The following ZBBX variants were observed in gnomAD, a reference collection of about 807,000 sequenced individuals.
The protein encoded by ZBBX is zinc finger B-box domain containing, also known as zinc finger B-box domain-containing protein 1.
A neutral mutation model predicts 108.5 loss-of-function variants in ZBBX; 101 were observed. The ratio of observed to expected loss-of-function variants is 0.93; its 90% CI spans 0.79 to 1.10. The LOEUF (loss-of-function observed/expected upper bound fraction) is 1.10, where lower values mean the gene tolerates loss of function less well. Ranked by LOEUF, ZBBX falls within the 50% of genes least tolerant of loss-of-function variation. The pLI, the probability that ZBBX is intolerant of heterozygous loss-of-function variation, is 0.00. For missense variants in ZBBX, 1,009 were observed against 941.4 expected, an observed-to-expected ratio of 1.07 and a Z score of -0.94; for synonymous variants, 356 against 323.4, an observed-to-expected ratio of 1.10 and a Z score of -1.08.
At chr3:167,236,579 G>A (rs1720239265), downstream of ZBBX, among the ~76,000 whole-genome samples, 1 of 151,740 alleles carries the variant, frequency 6.6e-6, no homozygotes, top group Non-Finnish European at 1.5e-5. Context: ...AGTAAGTAGT[G>A]TAATCTGATA....
At chr3:167,208,130 T>C in the ZBBX span, among the ~76,000 whole-genome samples, 2 of 152,248 alleles carry the variant, frequency 1.3e-5, no homozygotes, top group Non-Finnish European at 2.9e-5. Context: ...GCCCTAGGCA[T>C]GGGGGAGTCA....
At chr3:167,180,017 T>C in the ZBBX span, among the ~76,000 whole-genome samples, 4 of 152,212 alleles carry the variant, frequency 2.6e-5, no homozygotes, top group African/African-American at 9.6e-5. Context: ...CCATTTCCTA[T>C]CATAGTAGCA....
At chr3:167,196,476 T>C in the ZBBX span, among the ~76,000 whole-genome samples, 1 of 152,214 alleles carries the variant, frequency 6.6e-6, no homozygotes, top group East Asian at 1.9e-4. Context: ...TAAAATCATC[T>C]ATAAAACATT....
Position 167,319,414 on chromosome 3 carries a change from G to GT in ZBBX, c.984-1818dup, listed in dbSNP as rs547543661. On this transcript the variant is annotated intron_variant, in intron 12 of 21. Transcript: ENST00000675490. The stretch of plus-strand genomic sequence containing the variant: ...CTCAAGGGAATGTGGTTGTAAGACT[G>GT]TTTTTTGTGGGGGCAGGGGTACTGT... Among the ~76,000 whole-genome samples, 534 of 152,064 alleles carry GT rather than the reference G, an allele frequency of 3.5e-3. 3 individuals carry two copies. The highest frequency in any genetic ancestry group is 0.012 in the African/African-American group (504 of 41,542).
chr3:167,242,391 T>C (rs1720830402), intron 21 of ZBBX, 114 bp downstream of exon 21: 3 of 863,986 alleles, frequency 3.5e-6, no homozygotes, highest in Non-Finnish European at 5.0e-6. Flanking sequence ...AGAATGATCA[T>C]ATAAAGTATA....
At chr3:167,328,232 T>C (rs1737765119) in intron 10 of ZBBX, 116 bp from the exon 11 acceptor site, 1 of 1,006,844 alleles carries the variant, frequency 9.9e-7, no homozygotes, top group Middle Eastern at 2.7e-4. Context: ...TTATTAGTCA[T>C]CACAAATCAG....
chr3:167,235,674 C>A (rs1720207601), downstream of ZBBX, among the ~76,000 whole-genome samples: 1 of 151,552 alleles, frequency 6.6e-6, no homozygotes. Context: ...TCAATTAATT[C>A]TTTTCATTTT....
downstream of ZBBX, among the ~76,000 whole-genome samples, chr3:167,236,204 T>G: frequency 6.6e-6 from 1 of 151,712 alleles, no homozygotes; most frequent in East Asian, 1.9e-4. Flanking sequence ...TTTTAAAAAT[T>G]AATTTATATA....
intron 1 of ZBBX, among the ~76,000 whole-genome samples, chr3:167,396,597 C>A (rs1577146779): frequency 6.6e-6 from 1 of 152,086 alleles, no homozygotes; most frequent in Non-Finnish European, 1.5e-5. Flanking sequence ...TGAAACTAAG[C>A]ACAAATGCTT....
At chr3:167,234,790 T>G in the ZBBX span, among the ~76,000 whole-genome samples, 453 of 151,854 alleles carry the variant, frequency 3.0e-3, 3 homozygotes, top group Non-Finnish European at 3.4e-3. Flanking sequence ...TAAGAGCCAA[T>G]GTGTCCACTT....
At chr3:167,338,729 T>G (rs1740005079) in intron 9 of ZBBX, among the ~76,000 whole-genome samples, 2 of 152,148 alleles carry the variant, frequency 1.3e-5, no homozygotes, top group South Asian at 4.1e-4. Flanking sequence ...TGCAGAAGAG[T>G]TCTGTTATTT....
upstream of ZBBX, among the ~76,000 whole-genome samples, chr3:167,383,746 C>T (rs1284089000): frequency 6.6e-6 from 1 of 152,014 alleles, no homozygotes; most frequent in African/African-American, 2.4e-5. Flanking sequence ...GTTGAATGAG[C>T]ATAGTTAAAT....
At chr3:167,360,812 T>G (rs1744382438) in intron 6 of ZBBX, 89 bp from the exon 7 acceptor site, 3 of 744,708 alleles carry the variant, frequency 4.0e-6, no homozygotes, top group Non-Finnish European at 6.0e-6. Context: ...AGCTGTAGCT[T>G]TGGTGCTTTT....
intron 17 of ZBBX, among the ~76,000 whole-genome samples, chr3:167,300,240 A>C (rs1391327217): frequency 6.6e-6 from 1 of 152,194 alleles, no homozygotes; most frequent in African/African-American, 2.4e-5. Flanking sequence ...ATCCTATGAC[A>C]GATTATTCCT....
intron 8 of ZBBX, among the ~76,000 whole-genome samples, chr3:167,359,349 G>C (rs748061821): frequency 6.6e-6 from 1 of 152,106 alleles, no homozygotes; most frequent in Non-Finnish European, 1.5e-5. Context: ...TCTAGGTCTT[G>C]ATAGAGGTGG....
At chr3:167,376,390 C>T (rs1019038005) in intron 2 of ZBBX, among the ~76,000 whole-genome samples, 1 of 152,102 alleles carries the variant, frequency 6.6e-6, no homozygotes, top group Admixed American at 6.6e-5. Flanking sequence ...CAAATACTGG[C>T]CTCTTGCCTA....
In ZBBX at chr3:167,350,477, G is replaced by A. The variant is rs1742435419; in HGVS notation, c.471C>T (p.Cys157=). 1 of 1,596,020 alleles carries A rather than the reference G, an allele frequency of 6.3e-7. No homozygotes were observed. Among genetic ancestry groups the A allele is most frequent in the Middle Eastern group, 1.7e-4 (1 of 5,960 alleles). Residue 157 remains cysteine, a synonymous_variant, in exon 9 of 22, where the codon TGC becomes TGT. Transcript: ENST00000675490. ...CCCCTTTCTGGTGAACTTTAGCAAA[G>A]CATCCTGAACAATAATCTTCTCCAC... is the stretch of plus-strand genomic sequence containing the variant. The part of the protein sequence containing the change: ...LECGEDYCSG[C]FAKVHQKGAL...
At chr3:167,236,112 T>A (rs78665853), downstream of ZBBX, among the ~76,000 whole-genome samples, 1,362 of 151,902 alleles carry the variant, frequency 9.0e-3, 27 homozygotes, top group African/African-American at 0.031. Context: ...AAAATTCTGG[T>A]AAAATTTTAG....
At chr3:167,229,472 C>T in the ZBBX span, among the ~76,000 whole-genome samples, 2 of 151,796 alleles carry the variant, frequency 1.3e-5, no homozygotes, top group African/African-American at 2.4e-5. Flanking sequence ...GGGCCTAACA[C>T]ATAATGAATT....
Sources: allele counts gnomAD v4.1 joint callset (sites outside exome capture counted in the v4.1 genomes callset), GRCh38; gene constraint gnomAD v4.1.1; transcripts MANE v1.5; gene names NCBI Gene and HGNC (gene_info 2026-07-23, HGNC 2026-07-21).